Variants in PCDH15 observed in about 807,000 individuals in gnomAD.
PCDH15 encodes the protein protocadherin related 15, also known as protocadherin-15.
Under a neutral mutation model 178.5 loss-of-function variants are expected in PCDH15, and 129 were observed. The ratio of observed to expected loss-of-function variants is 0.72; its 90% CI spans 0.63 to 0.84. The LOEUF is 0.84. PCDH15 is among the 40% of genes least tolerant of loss of function. PCDH15 has a pLI of 0.00. For missense variants in PCDH15, 2,230 were observed against 2,099.9 expected (o/e 1.06, Z -1.21); for synonymous variants, 800 against 732.0 (o/e 1.09, Z -1.50).
chr10:55,185,880 T>A (rs1003297136), intron 1 of PCDH15, among the ~76,000 whole-genome samples: 2 of 151,780 alleles, frequency 1.3e-5, no homozygotes, highest in Non-Finnish European at 3.0e-5. Context: ...TGGATTGAAA[T>A]ATTTATACAT....
intron 2 of PCDH15, among the ~76,000 whole-genome samples, chr10:54,944,082 G>T (rs1373144813): frequency 2.0e-5 from 3 of 151,860 alleles, no homozygotes; most frequent in Non-Finnish European, 2.9e-5. Flanking sequence ...AAGACCCAAA[G>T]CATGGACCAA....
chr10:53,809,133 G>C, intron 37 of PCDH15: 1 of 1,613,762 alleles, frequency 6.2e-7, no homozygotes, highest in Non-Finnish European at 8.5e-7. Context: ...CTGATTCAGG[G>C]GTGGAACTCT....
chr10:54,549,822 C>A (rs551735629), intron 2 of PCDH15, among the ~76,000 whole-genome samples: 1 of 151,828 alleles, frequency 6.6e-6, no homozygotes, highest in African/African-American at 2.4e-5. Context: ...TGTACGTCTG[C>A]GATTTTTTAA....
intron 2 of PCDH15, among the ~76,000 whole-genome samples, chr10:55,561,093 G>A (rs1000568526): frequency 3.3e-5 from 5 of 151,686 alleles, no homozygotes; most frequent in African/African-American, 9.7e-5. Flanking sequence ...AATAACTCAG[G>A]TGTTATCTAG....
intron 23 of PCDH15, among the ~76,000 whole-genome samples, chr10:53,945,356 G>A (rs1383525885): frequency 6.6e-6 from 1 of 152,036 alleles, no homozygotes; most frequent in Admixed American, 6.5e-5. Context: ...TTTGAAATAC[G>A]TATACACTGT....
intron 1 of PCDH15, among the ~76,000 whole-genome samples, chr10:55,255,130 G>A (rs1841956410): frequency 6.6e-6 from 1 of 152,096 alleles, no homozygotes; most frequent in African/African-American, 2.4e-5. Context: ...AGGCCCCAGT[G>A]GGTGATGTTC....
intron 16 of PCDH15, among the ~76,000 whole-genome samples, chr10:54,084,588 G>A (rs2094488987): frequency 6.6e-6 from 1 of 152,142 alleles, no homozygotes; most frequent in South Asian, 2.1e-4. Context: ...GGGCAACAGA[G>A]TAATACCCAG....
At chr10:54,218,040 A>T (rs2134153323) in intron 9 of PCDH15, among the ~76,000 whole-genome samples, 1 of 152,336 alleles carries the variant, frequency 6.6e-6, no homozygotes, top group Admixed American at 6.5e-5. Flanking sequence ...GTTGCAAAAT[A>T]ACGTATTGAT....
chr10:53,924,645 G>T (rs1202269429), intron 25 of PCDH15, among the ~76,000 whole-genome samples: 2 of 152,252 alleles, frequency 1.3e-5, no homozygotes, highest in African/African-American at 4.8e-5. Flanking sequence ...GGGCTCCTGA[G>T]TCTAGTGGGG....
At chr10:55,060,077 T>C (rs1239611086) in intron 2 of PCDH15, among the ~76,000 whole-genome samples, 3 of 151,948 alleles carry the variant, frequency 2.0e-5, no homozygotes, top group Non-Finnish European at 4.4e-5. Flanking sequence ...CACCATAGAG[T>C]TCAATGTAAT....
At chr10:54,417,794 A>G (rs1253963278) in intron 3 of PCDH15, among the ~76,000 whole-genome samples, 1 of 152,186 alleles carries the variant, frequency 6.6e-6, no homozygotes, top group Non-Finnish European at 1.5e-5. Flanking sequence ...TAAATTAAAA[A>G]TATTTGATCA....
intron 3 of PCDH15, among the ~76,000 whole-genome samples, chr10:54,420,591 G>T (rs1457319911): frequency 6.6e-6 from 1 of 152,056 alleles, no homozygotes; most frequent in African/African-American, 2.4e-5. Context: ...TTAAGGAGAG[G>T]AGTGACATGA....
At chr10:54,494,265 C>T (rs915241457) in intron 3 of PCDH15, among the ~76,000 whole-genome samples, 2 of 152,012 alleles carry the variant, frequency 1.3e-5, no homozygotes, top group Non-Finnish European at 2.9e-5. Flanking sequence ...AACTCCCCCA[C>T]CCTTTTGTAT....
chr10:54,497,392 T>A (rs899395989), intron 3 of PCDH15, among the ~76,000 whole-genome samples: 1 of 151,994 alleles, frequency 6.6e-6, no homozygotes, highest in African/African-American at 2.4e-5. Flanking sequence ...AAACCCAGAG[T>A]GTCTTTTTAC....
chr10:55,293,165 G>T (rs775402786), intron 1 of PCDH15, among the ~76,000 whole-genome samples: 3 of 152,132 alleles, frequency 2.0e-5, no homozygotes, highest in Admixed American at 6.5e-5. Context: ...AGCTGCCAAG[G>T]CTTGGGTTTT....
intron 2 of PCDH15, among the ~76,000 whole-genome samples, chr10:54,601,409 AT>A (rs1430434312): frequency 6.6e-6 from 1 of 152,064 alleles, no homozygotes; most frequent in Non-Finnish European, 1.5e-5. Flanking sequence ...AAACAAAAAA[AT>A]ACTTGCAGCC....
intron 8 of PCDH15, among the ~76,000 whole-genome samples, chr10:54,287,322 C>T (rs1406826553): frequency 6.6e-6 from 1 of 152,160 alleles, no homozygotes; most frequent in Non-Finnish European, 1.5e-5. Context: ...TTTTATGACA[C>T]ACAACAATTT....
At chr10:54,981,746 T>G (rs1839236463) in intron 2 of PCDH15, among the ~76,000 whole-genome samples, 1 of 152,018 alleles carries the variant, frequency 6.6e-6, no homozygotes, top group Admixed American at 6.6e-5. Context: ...GTTTACATGT[T>G]TACTTATTTT....
At chr10:54,066,994 T>C in intron 17 of PCDH15, 109 bp from the exon 18 acceptor site, 1 of 1,070,342 alleles carries the variant, frequency 9.3e-7, no homozygotes, top group Non-Finnish European at 1.3e-6. Context: ...CATTTTTCTT[T>C]CTAATCCTTA....
Sources: allele counts gnomAD v4.1 joint callset (sites outside exome capture counted in the v4.1 genomes callset), GRCh38; gene constraint gnomAD v4.1.1; transcripts MANE v1.5; gene names NCBI Gene and HGNC (gene_info 2026-07-23, HGNC 2026-07-21).